The following SAMD7 variants were observed in gnomAD, a reference collection of about 807,000 sequenced individuals.
SAMD7 encodes the protein sterile alpha motif domain-containing protein 7.
A neutral mutation model predicts 36.7 loss-of-function variants in SAMD7; 34 were observed. The observed-to-expected ratio is 0.93, with a 90% CI of 0.71 to 1.23. SAMD7 has a LOEUF of 1.23. SAMD7 is among the 50% of genes most tolerant of loss of function. The pLI, the probability that SAMD7 is intolerant of heterozygous loss-of-function variation, is 0.00. For synonymous variants in SAMD7, 188 were observed against 189.7 expected (o/e 0.99, Z 0.07); for missense variants, 570 against 546.6 (o/e 1.04, Z -0.43).
chr3:169,937,621 G>A (rs1713768494), intron 8 of SAMD7, among the ~76,000 whole-genome samples: 1 of 152,160 alleles, frequency 6.6e-6, no homozygotes, highest in South Asian at 2.1e-4. Context: ...GTATTCCATG[G>A]TGTATATGTA....
intron 4 of SAMD7, among the ~76,000 whole-genome samples, chr3:169,922,587 C>T (rs925970837): frequency 1.3e-5 from 2 of 152,188 alleles, no homozygotes. Context: ...GCAACCTTTG[C>T]CTCCCTGGTT....
At chr3:169,913,544 G>A (rs1033390822) in intron 1 of SAMD7, among the ~76,000 whole-genome samples, 1 of 152,184 alleles carries the variant, frequency 6.6e-6, no homozygotes, top group Non-Finnish European at 1.5e-5. Flanking sequence ...TGAAGACAGA[G>A]ATTAAGGAGT....
intron 1 of SAMD7, among the ~76,000 whole-genome samples, chr3:169,913,031 A>G (rs1340802224): frequency 2.6e-5 from 4 of 152,228 alleles, no homozygotes; most frequent in Non-Finnish European, 4.4e-5. Context: ...GAGAAGGCCA[A>G]GAAAACTCGC....
intron 4 of SAMD7, among the ~76,000 whole-genome samples, chr3:169,922,060 T>C (rs1015788091): frequency 2.0e-5 from 3 of 152,134 alleles, no homozygotes; most frequent in African/African-American, 7.2e-5. Context: ...TGCTGCTCAC[T>C]GAGTTGAGGA....
intron 8 of SAMD7, among the ~76,000 whole-genome samples, 167 bp downstream of exon 8, chr3:169,936,616 G>A (rs1372307961): frequency 6.6e-6 from 1 of 152,086 alleles, no homozygotes; most frequent in Non-Finnish European, 1.5e-5. Flanking sequence ...AACATTGGAT[G>A]GGATGGTGGT....
At chr3:169,933,335 A>C (rs1223710884) in intron 7 of SAMD7, 2 of 337,272 alleles carry the variant, frequency 5.9e-6, no homozygotes, top group African/African-American at 4.3e-5. Flanking sequence ...GCCAGCAGCA[A>C]GTTCTGGTGA....
chr3:169,936,452 A>G lies in SAMD7; in HGVS notation c.1152+3A>G. 1 of 1,537,002 alleles carries G rather than the reference A, an allele frequency of 6.5e-7. No individual in the cohort carries two copies. The highest frequency in any genetic ancestry group is 2.3e-5 in the East Asian group (1 of 44,424). ...CGGCACTAAAAATTCAGTCACAGGT[A>G]TGGTGATTTTATATAACTAATTATG... On this transcript the variant is annotated splice_donor_region_variant and intron_variant, in intron 8 of 8. Transcript: ENST00000335556.
intron 7 of SAMD7, chr3:169,933,213 CA>C: frequency 1.6e-6 from 1 of 627,332 alleles, no homozygotes; most frequent in Non-Finnish European, 3.0e-6. Flanking sequence ...GTAGAAGACA[CA>C]ATGCCTTTCT....
intron 8 of SAMD7, among the ~76,000 whole-genome samples, chr3:169,937,682 A>C (rs978990642): frequency 2.1e-4 from 32 of 152,214 alleles, no homozygotes; most frequent in African/African-American, 7.5e-4. Flanking sequence ...GGTTGATTCC[A>C]TGTCTTTGCT....
At chr3:169,915,697 G>C (rs1000147407) in intron 2 of SAMD7, among the ~76,000 whole-genome samples, 3 of 140,050 alleles carry the variant, frequency 2.1e-5, no homozygotes, top group African/African-American at 8.0e-5. Flanking sequence ...CAATTCTCCT[G>C]CCCCAGCCTC....
intron 7 of SAMD7, among the ~76,000 whole-genome samples, chr3:169,929,625 C>T (rs965349010): frequency 2.0e-5 from 3 of 152,146 alleles, no homozygotes; most frequent in African/African-American, 7.2e-5. Flanking sequence ...GACAAGTTGC[C>T]TCCCTTCTCT....
chr3:169,930,327 C>G (rs1170880289), intron 7 of SAMD7, among the ~76,000 whole-genome samples: 1 of 152,106 alleles, frequency 6.6e-6, no homozygotes, highest in Admixed American at 6.5e-5. Context: ...AGGATCAAGT[C>G]CTGCTTTAGT....
At chr3:169,914,821 A>G (rs1302244464) in intron 1 of SAMD7, among the ~76,000 whole-genome samples, 2 of 152,192 alleles carry the variant, frequency 1.3e-5, no homozygotes, top group Non-Finnish European at 2.9e-5. Flanking sequence ...AGAGCCTCAT[A>G]TAGATATGCC....
intron 2 of SAMD7, among the ~76,000 whole-genome samples, chr3:169,916,086 C>G (rs954242963): frequency 1.3e-5 from 2 of 152,114 alleles, no homozygotes; most frequent in Admixed American, 1.3e-4. Flanking sequence ...GAACACTCAA[C>G]ATGAAATTTA....
intron 3 of SAMD7, among the ~76,000 whole-genome samples, chr3:169,920,443 C>T (rs544129583): frequency 6.6e-6 from 1 of 152,176 alleles, no homozygotes; most frequent in African/African-American, 2.4e-5. Flanking sequence ...TAGGGCCCCA[C>T]CTTTATAATA....
At chr3:169,929,797 C>T (rs934155284) in intron 7 of SAMD7, among the ~76,000 whole-genome samples, 7 of 152,190 alleles carry the variant, frequency 4.6e-5, no homozygotes, top group African/African-American at 1.7e-4. Flanking sequence ...ACTTATGAAG[C>T]AAGTTGTGTT....
chr3:169,916,504 C>T (rs1712808606), intron 2 of SAMD7, among the ~76,000 whole-genome samples: 2 of 151,992 alleles, frequency 1.3e-5, no homozygotes, highest in Non-Finnish European at 2.9e-5. Context: ...AAAAATTAGC[C>T]GAGCGTGGTG....
At position 169,926,776 on chromosome 3, in the gene SAMD7, C is replaced by T. The variant is rs1322829374; in HGVS notation, c.514C>T (p.His172Tyr). The change falls in exon 6 of 9, where the codon CAC becomes TAC. Residue 172 changes from histidine to tyrosine, a missense_variant. Coordinates refer to ENST00000335556, the MANE Select transcript of SAMD7 (RefSeq NM_001304366.2). ...CCCCATGCTAGCGGCAACTGCACCA[C>T]ACTTTGAGGAGAGCTGGGGGCAGAG... ...GNPMLAATAPHFEESWGQRCR... is the reference protein window; with the variant it reads ...GNPMLAATAPYFEESWGQRCR... 1 of 1,613,964 alleles carries T rather than the reference C, an allele frequency of 6.2e-7. No individual in the cohort carries two copies. The highest frequency in any genetic ancestry group is 8.5e-7 in the Non-Finnish European group (1 of 1,179,998).
rs531828816 is a variant in SAMD7, at chr3:169,932,285, C to T, written c.1041+3707C>T. 3.9e-4 allele frequency: 298 copies of T among 772,550 alleles called. No homozygotes were observed. In the African/African-American group the frequency reaches 4.8e-3, roughly 12 times the overall value. 47.9% of individuals were successfully genotyped at this position (772,550 alleles called of 1,614,324 possible). On this transcript the variant is annotated intron_variant, in intron 7 of 8. Coordinates refer to ENST00000335556, the MANE Select transcript of SAMD7 (RefSeq NM_001304366.2). ...GGGGCAATCATGCATGCCATGGCCA[C>T]CAAGCAAATTATTAAAGCTGATGTG...
Sources: gnomAD v4.1 joint callset for allele counts (sites outside exome capture counted in the v4.1 genomes callset) on GRCh38, gnomAD v4.1.1 for gene constraint, MANE v1.5 for transcripts, NCBI Gene and HGNC (gene_info 2026-07-23, HGNC 2026-07-21) for gene names.